Variants in ALDH1A2 observed in about 807,000 individuals in gnomAD.
ALDH1A2 encodes the protein retinal dehydrogenase 2.
Under a neutral mutation model 60.3 loss-of-function variants are expected in ALDH1A2, and 27 were observed. The observed-to-expected ratio is 0.45, with a 90% CI of 0.33 to 0.62. The LOEUF (loss-of-function observed/expected upper bound fraction) is 0.62, where lower values mean the gene tolerates loss of function less well. Among genes scored for constraint, ALDH1A2 ranks in the 20% least tolerant of loss-of-function variants. The pLI is 0.02. For synonymous variants in ALDH1A2, 289 were observed against 232.4 expected, an observed-to-expected ratio of 1.24 and a Z score of -2.21; for missense variants, 581 against 643.8, an observed-to-expected ratio of 0.90 and a Z score of 1.06.
In ALDH1A2 at chr15:58,018,054, T is replaced by C. The variant is rs559477996; in HGVS notation, c.118-3773A>G. 2.0e-5 allele frequency among the ~76,000 whole-genome samples: 3 copies of C among 152,330 alleles called. No individual in the cohort carries two copies. The South Asian group carries it at 6.2e-4, about 32-fold the overall frequency. Reference sequence around the variant, plus strand: ...AGGCAATGTCGAAAGTTTTGAATCCTGTCCATAGCATTATTCCCTGACCAG... The same window carrying C: ...AGGCAATGTCGAAAGTTTTGAATCCCGTCCATAGCATTATTCCCTGACCAG... On this transcript the variant is annotated intron_variant, in intron 1 of 12. Transcript: ENST00000249750.
chr15:58,002,731 G>T (rs1369572190), intron 4 of ALDH1A2, among the ~76,000 whole-genome samples: 1 of 151,870 alleles, frequency 6.6e-6, no homozygotes, highest in Non-Finnish European at 1.5e-5. Context: ...ATAAAAATCT[G>T]TAACACAATT....
chr15:58,064,422 T>C (rs538167208), intron 1 of ALDH1A2, among the ~76,000 whole-genome samples: 104 of 152,310 alleles, frequency 6.8e-4, no homozygotes, highest in African/African-American at 2.3e-3. Flanking sequence ...AATATTCTGA[T>C]GTTGTTTCTT....
intron 4 of ALDH1A2, among the ~76,000 whole-genome samples, chr15:57,995,934 A>C (rs1895046833): frequency 6.6e-6 from 1 of 152,178 alleles, no homozygotes; most frequent in African/African-American, 2.4e-5. Context: ...TTAAATGGTT[A>C]ATTAAAATTA....
intron 1 of ALDH1A2, among the ~76,000 whole-genome samples, chr15:58,043,196 T>G (rs183311801): frequency 1.3e-5 from 2 of 152,070 alleles, no homozygotes; most frequent in Admixed American, 1.3e-4. Context: ...GATACAAATC[T>G]TGTTTCCAGG....
chr15:58,010,300 C>A (rs921708963), intron 4 of ALDH1A2, among the ~76,000 whole-genome samples: 11 of 152,102 alleles, frequency 7.2e-5, no homozygotes, highest in African/African-American at 2.7e-4. Context: ...CAAGTCTTAA[C>A]CTCGTTGGAA....
intron 3 of ALDH1A2, chr15:58,012,098 T>G (rs1317957383): frequency 1.3e-5 from 2 of 152,170 alleles, no homozygotes; most frequent in Non-Finnish European, 2.9e-5. Context: ...TTCTCATAGC[T>G]TGAGAGTGTT....
At chr15:57,999,867 G>C (rs1895200755) in intron 4 of ALDH1A2, among the ~76,000 whole-genome samples, 1 of 151,980 alleles carries the variant, frequency 6.6e-6, no homozygotes, top group Admixed American at 6.6e-5. Context: ...TATACATCAA[G>C]GAATACTATG....
chr15:58,064,690 ATGT>A (rs775306700), intron 1 of ALDH1A2, among the ~76,000 whole-genome samples: 5 of 152,120 alleles, frequency 3.3e-5, no homozygotes, highest in African/African-American at 4.8e-5. Context: ...CTCCCTCAAA[ATGT>A]TGTAACATTA....
chr15:58,025,937 C>T (rs549773556), intron 1 of ALDH1A2, among the ~76,000 whole-genome samples: 1 of 152,340 alleles, frequency 6.6e-6, no homozygotes, highest in East Asian at 1.9e-4. Context: ...CACCAAGCCA[C>T]TACTGACAGA....
chr15:58,008,574 C>T lies in ALDH1A2; in HGVS notation c.493+2075G>A, dbSNP rs181892064. Among the ~76,000 whole-genome samples, 18 of 152,110 alleles carry T rather than the reference C, an allele frequency of 1.2e-4. No homozygotes were observed. The East Asian group carries it at 2.9e-3, about 25-fold the overall frequency. On this transcript the variant is annotated intron_variant, in intron 4 of 12. Coordinates refer to ENST00000249750, the MANE Select transcript of ALDH1A2 (RefSeq NM_003888.4). ...AGGAAGTAAAAGAAAACCAAGGTAC[C>T]GTTAGGCCAAATAGAGATCTATGTG...
At chr15:57,991,428 CAA>C (rs1209112747) in intron 7 of ALDH1A2, 9 of 152,146 alleles carry the variant, frequency 5.9e-5, no homozygotes, top group African/African-American at 1.7e-4. Context: ...AATTAATATT[CAA>C]GTTTATTAAT....
chr15:58,032,432 C>A (rs1339692631), intron 1 of ALDH1A2, among the ~76,000 whole-genome samples: 3 of 152,026 alleles, frequency 2.0e-5, no homozygotes, highest in Non-Finnish European at 4.4e-5. Flanking sequence ...GTGCAGCACA[C>A]CAACATGGCA....
At chr15:58,013,059 G>A (rs35760783) in intron 3 of ALDH1A2, among the ~76,000 whole-genome samples, 1 of 152,144 alleles carries the variant, frequency 6.6e-6, no homozygotes, top group Admixed American at 6.5e-5. Context: ...GGAGAAGTTC[G>A]TTATGTGAGG....
chr15:58,032,401 T>C, intron 1 of ALDH1A2, among the ~76,000 whole-genome samples: 1 of 152,158 alleles, frequency 6.6e-6, no homozygotes. Flanking sequence ...ATATACCTAA[T>C]GTTAAATGAG....
At chr15:58,020,899 T>C (rs1391795916) in intron 1 of ALDH1A2, among the ~76,000 whole-genome samples, 1 of 152,232 alleles carries the variant, frequency 6.6e-6, no homozygotes, top group African/African-American at 2.4e-5. Context: ...TCTAAATTTC[T>C]ACCTTTATAA....
At chr15:57,995,224 AAAAAAAAAAAAAC>A (rs766166060) in intron 4 of ALDH1A2, 85 bp from the exon 5 acceptor site, 359 of 780,592 alleles carry the variant, frequency 4.6e-4, no homozygotes, top group Non-Finnish European at 5.2e-4. Flanking sequence ...CTGCAAAAAA[AAAAAAAAAAAAAC>A]AAACAGAAAT....
At chr15:57,958,264 G>A (rs139695552) in intron 12 of ALDH1A2, among the ~76,000 whole-genome samples, 1 of 151,494 alleles carries the variant, frequency 6.6e-6, no homozygotes, top group Admixed American at 6.6e-5. Flanking sequence ...ATCTAACAAT[G>A]CTTCTCATTT....
chr15:57,978,993 C>T (rs1274430343), intron 7 of ALDH1A2, among the ~76,000 whole-genome samples: 2 of 152,162 alleles, frequency 1.3e-5, no homozygotes, highest in African/African-American at 4.8e-5. Flanking sequence ...CAAGATCATG[C>T]CACTGCACTC....
intron 1 of ALDH1A2, among the ~76,000 whole-genome samples, chr15:58,048,751 A>G (rs1896698934): frequency 6.6e-6 from 1 of 152,038 alleles, no homozygotes; most frequent in Admixed American, 6.6e-5. Context: ...TAATCAAATG[A>G]CAGGTATGAC....
Sources: allele counts gnomAD v4.1 joint callset (sites outside exome capture counted in the v4.1 genomes callset), GRCh38; gene constraint gnomAD v4.1.1; transcripts MANE v1.5; gene names NCBI Gene and HGNC (gene_info 2026-07-23, HGNC 2026-07-21).